The following SH3TC2 variants were observed in gnomAD, a reference collection of about 807,000 sequenced individuals.
SH3TC2 encodes SH3 domain and tetratricopeptide repeats 2.
Under a neutral mutation model 124.5 loss-of-function variants are expected in SH3TC2, and 87 were observed. The observed-to-expected ratio is 0.70, with a 90% CI of 0.59 to 0.84. The LOEUF is 0.84. SH3TC2 is among the 40% of genes least tolerant of loss of function. The pLI is 0.00. For synonymous variants in SH3TC2, 634 were observed against 628.5 expected (o/e 1.01, Z -0.13); for missense variants, 1,536 against 1,566.4 (o/e 0.98, Z 0.33).
Position 149,008,958 on chromosome 5 carries a change from G to C in SH3TC2, c.3371C>G (p.Thr1124Ser). 1 of 1,614,202 alleles carries C rather than the reference G, an allele frequency of 6.2e-7. No homozygotes were observed. Among genetic ancestry groups the C allele is most frequent in the Non-Finnish European group, 8.5e-7 (1 of 1,180,028 alleles). Reference sequence around the variant, plus strand: ...CAGCTTATTGAAAATCCGGAGCTCAGTTCTCACCGCCTTCAACCTCCTTGC... The same window carrying C: ...CAGCTTATTGAAAATCCGGAGCTCACTTCTCACCGCCTTCAACCTCCTTGC... ...PLARRLKAVRTELRIFNKLTE... is the reference protein window; with the variant it reads ...PLARRLKAVRSELRIFNKLTE... The change falls in exon 15 of 17, where the codon ACT becomes AGT. Residue 1124 changes from threonine to serine, a missense_variant. Physicochemically the swap from Thr to Ser is moderately conservative, Grantham distance 58. Coordinates refer to ENST00000515425, the MANE Select transcript of SH3TC2 (RefSeq NM_024577.4).
chr5:149,060,145 C>T (rs1314381228), intron 1 of SH3TC2, among the ~76,000 whole-genome samples: 7 of 152,344 alleles, frequency 4.6e-5, no homozygotes, highest in African/African-American at 1.7e-4. Context: ...ATCTCTTCCA[C>T]ATCTTCTATT....
intron 8 of SH3TC2, among the ~76,000 whole-genome samples, chr5:149,036,588 A>C (rs1329752850): frequency 1.3e-5 from 2 of 152,114 alleles, no homozygotes; most frequent in Non-Finnish European, 2.9e-5. Context: ...ATTTAATGAG[A>C]GCTCACTGGA....
chr5:148,990,031 C>T lies in SH3TC2; in HGVS notation c.*14680G>A, dbSNP rs1317268172. ...AGGAGTCATTTCCAAGCAACCTCTC[C>T]TCTCACTCAAAATATAGCTCCCTTA... On this transcript the variant is annotated 3_prime_UTR_variant, in exon 17 of 17. Coordinates refer to ENST00000515425, the MANE Select transcript of SH3TC2 (RefSeq NM_024577.4). 6.6e-6 allele frequency among the ~76,000 whole-genome samples: 1 copy of T among 152,176 alleles called. No homozygotes were observed. Among genetic ancestry groups the T allele is most frequent in the East Asian group, 1.9e-4 (1 of 5,168 alleles).
chr5:148,987,996 T>C lies in SH3TC2; in HGVS notation c.*16715A>G, dbSNP rs916136899. On this transcript the variant is annotated 3_prime_UTR_variant, in exon 17 of 17. Transcript: ENST00000515425. Reference sequence around the variant, plus strand: ...ACCCACAAGGAAGTGCCGAGAATGCTGTTGCACCTCCTCTGGCCAAGGACA... The same window carrying C: ...ACCCACAAGGAAGTGCCGAGAATGCCGTTGCACCTCCTCTGGCCAAGGACA... Among the ~76,000 whole-genome samples, 6 of 152,204 alleles carry C rather than the reference T, an allele frequency of 3.9e-5. No individual in the cohort carries two copies. Among genetic ancestry groups the C allele is most frequent in the Non-Finnish European group, 8.8e-5 (6 of 68,038 alleles).
In SH3TC2 at chr5:149,004,889, G is replaced by T. The variant is rs1753659784; in HGVS notation, c.3689C>A (p.Ala1230Asp). The T allele has an allele frequency of 6.2e-7, 1 of 1,614,164 alleles. No individual in the cohort carries two copies. The highest frequency in any genetic ancestry group is 2.2e-5 in the East Asian group (1 of 44,882). The change falls in exon 17 of 17, where the codon GCC (alanine) becomes GAC (aspartate). Residue 1230 changes from alanine (A) to aspartate (D), a missense_variant. Around this residue, in one of 3 missense-constraint regions of SH3TC2, gnomAD observed 426 missense variants for 443.5 expected, o/e 0.96. Transcript: ENST00000515425. ...TFCQLKDAHD[A>D]TEYFLLALAA... ...CAGGGCCAGAAGGAAGTACTCAGTG[G>T]CATCATGGGCATCCTAACCCCGTGG...
At position 148,983,272 on chromosome 5, in the gene SH3TC2, C is replaced by T. The variant is rs1753280204; in HGVS notation, c.*21439G>A. 1.3e-5 allele frequency among the ~76,000 whole-genome samples: 2 copies of T among 152,166 alleles called. No individual in the cohort carries two copies. Among genetic ancestry groups the T allele is most frequent in the Non-Finnish European group, 2.9e-5 (2 of 68,038 alleles). On this transcript the variant is annotated 3_prime_UTR_variant, in exon 17 of 17. Coordinates refer to ENST00000515425, the MANE Select transcript of SH3TC2 (RefSeq NM_024577.4). ...CCACTTACCATTTTTAGTACAAATT[C>T]CTTTTGAAAAGCTCCCACTCTCTCC...
At position 148,983,653 on chromosome 5, in the gene SH3TC2, C is replaced by G. The variant is rs372876933; in HGVS notation, c.*21058G>C. On this transcript the variant is annotated 3_prime_UTR_variant, in exon 17 of 17. Coordinates refer to ENST00000515425, the MANE Select transcript of SH3TC2 (RefSeq NM_024577.4). ...GGGTTTCCTTCCCCCTACCCCGCAC[C>G]CCATTAGCCCCTGTCTGTGTTCTCT... 1.3e-5 allele frequency among the ~76,000 whole-genome samples: 2 copies of G among 152,276 alleles called. No homozygotes were observed. Among genetic ancestry groups the G allele is most frequent in the South Asian group, 2.1e-4 (1 of 4,810 alleles).
chr5:149,014,922 A>G (rs1229157127), intron 12 of SH3TC2, among the ~76,000 whole-genome samples: 1 of 152,018 alleles, frequency 6.6e-6, no homozygotes, highest in Non-Finnish European at 1.5e-5. Flanking sequence ...TCCTCATCCT[A>G]TTTCCTGCTC....
chr5:148,994,761 T>A lies in SH3TC2; in HGVS notation c.*9950A>T, dbSNP rs921113745. ...ATGAATAGATGGATGAATAGATGGA[T>A]GAATAGATGGATAACCGTCTGCATC... On this transcript the variant is annotated 3_prime_UTR_variant, in exon 17 of 17. Coordinates refer to ENST00000515425, the MANE Select transcript of SH3TC2 (RefSeq NM_024577.4). 4.6e-5 allele frequency among the ~76,000 whole-genome samples: 7 copies of A among 152,028 alleles called. No homozygotes were observed. The highest frequency in any genetic ancestry group is 4.6e-4 in the Admixed American group (7 of 15,258).
Position 148,990,234 on chromosome 5 carries a change from G to A in SH3TC2, c.*14477C>T, listed in dbSNP as rs368005281. 6.6e-6 allele frequency among the ~76,000 whole-genome samples: 1 copy of A among 151,296 alleles called. No homozygotes were observed. Among genetic ancestry groups the A allele is most frequent in the African/African-American group, 2.5e-5 (1 of 40,760 alleles). On this transcript the variant is annotated 3_prime_UTR_variant, in exon 17 of 17. Transcript: ENST00000515425. ...GTTCCTTTCTCCTACTAGGACATTG[G>A]TCATTTAAAATATATTCATAGTAAG...
intron 7 of SH3TC2, among the ~76,000 whole-genome samples, chr5:149,039,913 G>A (rs1754340355): frequency 6.6e-6 from 1 of 152,166 alleles, no homozygotes; most frequent in South Asian, 2.1e-4. Flanking sequence ...TTTGGGCTCA[G>A]CACTTATAAA....
chr5:149,028,157 C>T lies in SH3TC2; in HGVS notation c.1575G>A (p.Trp525Ter). Residue 525 changes from tryptophan to a stop codon, truncating the protein, a stop_gained, in exon 11 of 17, where the codon TGG (tryptophan) becomes TGA (stop). Transcript: ENST00000515425. LOFTEE classifies it high-confidence loss of function. ...GGAGGAAGCAGAGACGGGCATGGGC[C>T]CAGGTCATGTGGCTCTTCTTGGCCC... ...RKWAKKSHMT[W>*]AHARLCFLLG... The T allele has an allele frequency of 6.2e-7, 1 of 1,614,110 alleles. No individual in the cohort carries two copies. Among genetic ancestry groups the T allele is most frequent in the South Asian group, 1.1e-5 (1 of 91,084 alleles).
chr5:149,044,524 GTACCA>G lies in SH3TC2; in HGVS notation c.385+4_385+8del, dbSNP rs148930563. 1,009 of 1,608,952 alleles carry G rather than the reference GTACCA, an allele frequency of 6.3e-4. 8 individuals are homozygous for G. The African/African-American group carries it at 0.012, about 19-fold the overall frequency. ...AGGTCATCCTCCACCTGCTTGCCTT[GTACCA>G]TACCTAAATTAAGGTAGGTGGAGAA... On this transcript the variant is annotated splice_donor_5th_base_variant and intron_variant, in intron 4 of 16. Coordinates refer to ENST00000515425, the MANE Select transcript of SH3TC2 (RefSeq NM_024577.4).
chr5:149,006,847 G>A, intron 16 of SH3TC2, 34 bp downstream of exon 16: 3 of 1,601,814 alleles, frequency 1.9e-6, no homozygotes, highest in South Asian at 1.1e-5. Context: ...GTTGGGTGGT[G>A]GCTGTCAGGA....
intron 1 of SH3TC2, among the ~76,000 whole-genome samples, chr5:149,062,150 G>C (rs36048): frequency 0.25 from 37,885 of 151,864 alleles, 5,409 homozygotes; most frequent in African/African-American, 0.37. Context: ...TTCTAACAAG[G>C]GTTAGGAATG....
rs143160902 is a variant in SH3TC2 at position 148,983,879 on chromosome 5, T to A, written c.*20832A>T. Reference sequence around the variant, plus strand: ...CCTGAAACTGCATGAAGCTTAGGAATGAACAGGGAAAGCACATCCAAGAGA... The same window carrying A: ...CCTGAAACTGCATGAAGCTTAGGAAAGAACAGGGAAAGCACATCCAAGAGA... On this transcript the variant is annotated 3_prime_UTR_variant, in exon 17 of 17. Transcript: ENST00000515425. 6.6e-6 allele frequency among the ~76,000 whole-genome samples: 1 copy of A among 152,314 alleles called. No individual in the cohort carries two copies. Among genetic ancestry groups the A allele is most frequent in the African/African-American group, 2.4e-5 (1 of 41,568 alleles).
chr5:149,040,715 C>A (rs1281119514), intron 6 of SH3TC2, 38 bp from the exon 7 acceptor site: 1 of 1,529,806 alleles, frequency 6.5e-7, no homozygotes, highest in Non-Finnish European at 9.1e-7. Flanking sequence ...ACACAGATTT[C>A]AAAAAATTGC....
intron 13 of SH3TC2, among the ~76,000 whole-genome samples, chr5:149,011,486 C>T (rs755212899): frequency 7.9e-5 from 12 of 152,218 alleles, no homozygotes; most frequent in Non-Finnish European, 1.3e-4. Context: ...AGTGAAGGCT[C>T]TAAGTCACAC....
rs1753332041 is a variant in SH3TC2, at chr5:148,986,419, C to T, written c.*18292G>A. On this transcript the variant is annotated 3_prime_UTR_variant, in exon 17 of 17. Coordinates refer to ENST00000515425, the MANE Select transcript of SH3TC2 (RefSeq NM_024577.4). Reference sequence around the variant, plus strand: ...TAGACTTAGTGAGAAAACGGAAGCCCTGGAAAGCCAAGGTAACCCCACTCA... The same window carrying T: ...TAGACTTAGTGAGAAAACGGAAGCCTTGGAAAGCCAAGGTAACCCCACTCA... Among the ~76,000 whole-genome samples, 4 of 152,292 alleles carry T rather than the reference C, an allele frequency of 2.6e-5. No homozygotes were observed. The South Asian group carries it at 8.3e-4, about 32-fold the overall frequency.
Sources: allele counts gnomAD v4.1 joint callset (sites outside exome capture counted in the v4.1 genomes callset), GRCh38; gene constraint gnomAD v4.1.1; regional missense constraint gnomAD v4.1.1; transcripts MANE v1.5; gene names NCBI Gene and HGNC (gene_info 2026-07-23, HGNC 2026-07-21).